The following RANBP2 variants were observed in gnomAD, a reference collection of about 807,000 sequenced individuals.
RANBP2 encodes E3 SUMO-protein ligase RanBP2.
Under a neutral mutation model 303.6 loss-of-function variants are expected in RANBP2, and 57 were observed. The observed-to-expected ratio is 0.19, with a 90% CI of 0.15 to 0.23. The LOEUF (loss-of-function observed/expected upper bound fraction) is 0.23, where lower values mean the gene tolerates loss of function less well. Ranked by LOEUF, RANBP2 falls within the 10% of genes least tolerant of loss-of-function variation. RANBP2 has a pLI of 1.00. For synonymous variants in RANBP2, 1,167 were observed against 1,301.5 expected, an observed-to-expected ratio of 0.90 and a Z score of 2.23; for missense variants, 3,138 against 3,780.8, an observed-to-expected ratio of 0.83 and a Z score of 4.46.
At chr2:109,628,594 C>T in the RANBP2 span, among the ~76,000 whole-genome samples, 24 of 152,086 alleles carry the variant, frequency 1.6e-4, no homozygotes, top group East Asian at 4.6e-3. Context: ...TTTAAGCCTC[C>T]GTCATTTATA....
At chr2:108,861,065 T>C in the RANBP2 span, among the ~76,000 whole-genome samples, 1 of 151,406 alleles carries the variant, frequency 6.6e-6, no homozygotes, top group Non-Finnish European at 1.5e-5. Context: ...TGTATATTTC[T>C]GGGTAATTAT....
At chr2:109,143,809 T>C in the RANBP2 span, among the ~76,000 whole-genome samples, 412 of 148,826 alleles carry the variant, frequency 2.8e-3, no homozygotes, top group African/African-American at 9.5e-3. Flanking sequence ...CTGTGCTGTA[T>C]ACACACACAC....
the RANBP2 span, among the ~76,000 whole-genome samples, chr2:109,036,269 G>C: frequency 6.6e-6 from 1 of 152,244 alleles, no homozygotes; most frequent in Admixed American, 6.5e-5. Context: ...ATACTTTAAG[G>C]AGTATTAATA....
At chr2:109,662,219 A>G in the RANBP2 span, among the ~76,000 whole-genome samples, 1 of 151,894 alleles carries the variant, frequency 6.6e-6, no homozygotes, top group African/African-American at 2.4e-5. Flanking sequence ...TCTCTCCTTC[A>G]CCAAGGTCAG....
chr2:109,228,762 C>G, the RANBP2 span, among the ~76,000 whole-genome samples: 2 of 152,104 alleles, frequency 1.3e-5, no homozygotes, highest in Admixed American at 1.3e-4. Context: ...CAGGGGCTTC[C>G]GTCTCTGTGG....
At chr2:109,325,964 G>A in the RANBP2 span, among the ~76,000 whole-genome samples, 2 of 152,192 alleles carry the variant, frequency 1.3e-5, no homozygotes, top group African/African-American at 2.4e-5. Context: ...ACTGTGAACC[G>A]TAACGTATAT....
chr2:108,722,153 G>C (rs866911287), intron 1 of RANBP2, among the ~76,000 whole-genome samples: 1 of 151,810 alleles, frequency 6.6e-6, no homozygotes, highest in Non-Finnish European at 1.5e-5. Flanking sequence ...CTAGACAGAA[G>C]TTAGAATGTT....
chr2:109,592,146 C>T, the RANBP2 span, among the ~76,000 whole-genome samples: 2 of 151,902 alleles, frequency 1.3e-5, no homozygotes, highest in African/African-American at 2.4e-5. Flanking sequence ...TTCTATGCAC[C>T]CACCACATTC....
the RANBP2 span, among the ~76,000 whole-genome samples, chr2:108,892,319 G>GCAA: frequency 6.6e-6 from 1 of 152,278 alleles, no homozygotes; most frequent in South Asian, 2.1e-4. Context: ...AGTCCCAGTG[G>GCAA]CAACTTACAC....
At chr2:109,207,899 T>G in the RANBP2 span, among the ~76,000 whole-genome samples, 8 of 152,244 alleles carry the variant, frequency 5.3e-5, no homozygotes, top group Non-Finnish European at 1.0e-4. Flanking sequence ...CCCTGTATCA[T>G]CATTTTCCCA....
At chr2:109,439,914 G>A in the RANBP2 span, among the ~76,000 whole-genome samples, 1 of 152,188 alleles carries the variant, frequency 6.6e-6, no homozygotes, top group Non-Finnish European at 1.5e-5. Context: ...AGAGTGTGGA[G>A]GAGGGAATTC....
At chr2:109,230,000 A>G in the RANBP2 span, among the ~76,000 whole-genome samples, 4 of 151,126 alleles carry the variant, frequency 2.6e-5, no homozygotes, top group African/African-American at 7.3e-5. Context: ...AATTTTTTGT[A>G]TATTTAGTAG....
chr2:109,035,673 C>T, the RANBP2 span, among the ~76,000 whole-genome samples: 1 of 152,198 alleles, frequency 6.6e-6, no homozygotes, highest in African/African-American at 2.4e-5. Flanking sequence ...GTCTAGTGGG[C>T]CTAACAGAAC....
At chr2:108,877,498 C>T in the RANBP2 span, among the ~76,000 whole-genome samples, 1 of 151,716 alleles carries the variant, frequency 6.6e-6, no homozygotes, top group South Asian at 2.1e-4. Context: ...AAAATAAAAA[C>T]GCAGAAGCCA....
chr2:109,099,499 G>T, the RANBP2 span, among the ~76,000 whole-genome samples: 1 of 152,294 alleles, frequency 6.6e-6, no homozygotes, highest in African/African-American at 2.4e-5. Flanking sequence ...ATGGTGGTTA[G>T]CAAGGTGGCG....
the RANBP2 span, among the ~76,000 whole-genome samples, chr2:109,523,568 C>T: frequency 2.6e-5 from 4 of 152,182 alleles, no homozygotes; most frequent in African/African-American, 4.8e-5. Flanking sequence ...TCCAGCCACA[C>T]ACCTTTCAAC....
At chr2:108,831,965 T>C in the RANBP2 span, among the ~76,000 whole-genome samples, 3 of 152,078 alleles carry the variant, frequency 2.0e-5, no homozygotes, top group Non-Finnish European at 4.4e-5. Flanking sequence ...ACTTCTGACC[T>C]CAGGTGATCC....
At chr2:108,862,459 A>G in the RANBP2 span, among the ~76,000 whole-genome samples, 1 of 152,136 alleles carries the variant, frequency 6.6e-6, no homozygotes, top group Non-Finnish European at 1.5e-5. Context: ...TTGGATTTTC[A>G]GATTAGGGAT....
the RANBP2 span, among the ~76,000 whole-genome samples, chr2:108,875,331 AAAAAAGAAAC>A: frequency 1.5e-5 from 2 of 136,216 alleles, no homozygotes; most frequent in East Asian, 0.012. Flanking sequence ...AAAAAAAAAA[AAAAAAGAAAC>A]AAATTCTTAA....
Sources: allele counts gnomAD v4.1 joint callset (sites outside exome capture counted in the v4.1 genomes callset), GRCh38; gene constraint gnomAD v4.1.1; transcripts MANE v1.5; gene names NCBI Gene and HGNC (gene_info 2026-07-23, HGNC 2026-07-21).